SYMPK: variants seen among roughly 807,000 people sequenced by gnomAD.
SYMPK encodes symplekin.
SYMPK carries 49 observed loss-of-function variants against 136.4 expected under a neutral mutation model. The ratio of observed to expected loss-of-function variants is 0.36; its 90% CI spans 0.29 to 0.46. The LOEUF (loss-of-function observed/expected upper bound fraction) is 0.46, where lower values mean the gene tolerates loss of function less well. SYMPK is among the 20% of genes least tolerant of loss of function. The probability of loss-of-function intolerance (pLI) is 1.00; values close to 1 mark genes in which losing one functional copy is unlikely to be tolerated. For missense variants in SYMPK, 1,365 were observed against 1,690.0 expected (o/e 0.81, Z 3.37); for synonymous variants, 766 against 713.0 (o/e 1.07, Z -1.19).
intron 8 of SYMPK, 176 bp from the exon 9 acceptor site, chr19:45,842,665 G>C (rs1433536816): frequency 1.4e-5 from 11 of 770,448 alleles, no homozygotes; most frequent in Non-Finnish European, 2.2e-5. Context: ...TCAAACCCTG[G>C]GGGTCTCCAT....
At position 45,815,470 on chromosome 19, in the gene SYMPK, T is replaced by C; in HGVS notation, c.*90A>G. ...CTTGCCCAAGTTCACATCTTTTATT[T>C]CTTTTTAAGGCAAAGCACCCGCAGG... On this transcript the variant is annotated 3_prime_UTR_variant, in exon 27 of 27. Coordinates refer to ENST00000245934, the MANE Select transcript of SYMPK (RefSeq NM_004819.3). 8.3e-7 allele frequency: 1 copy of C among 1,208,380 alleles called. No homozygotes were observed. Among genetic ancestry groups the C allele is most frequent in the Non-Finnish European group, 1.1e-6 (1 of 894,068 alleles). The allele number at this position is 1,208,380 out of a possible 1,614,324, so 74.9% of individuals were successfully genotyped here.
At chr19:45,825,952 T>C (rs572901922) in intron 17 of SYMPK, among the ~76,000 whole-genome samples, 1 of 152,328 alleles carries the variant, frequency 6.6e-6, no homozygotes, top group African/African-American at 2.4e-5. Flanking sequence ...TCCAGGGCTC[T>C]GCTGAGGGAA....
chr19:45,850,498 C>G (rs1971673763), intron 5 of SYMPK, among the ~76,000 whole-genome samples: 1 of 152,174 alleles, frequency 6.6e-6, no homozygotes, highest in South Asian at 2.1e-4. Flanking sequence ...AACAAATGAG[C>G]AAGTGACCAG....
intron 1 of SYMPK, among the ~76,000 whole-genome samples, chr19:45,857,648 C>G (rs1321907310): frequency 6.6e-6 from 1 of 150,870 alleles, no homozygotes; most frequent in Non-Finnish European, 1.5e-5. Flanking sequence ...CCTGCCACCA[C>G]GCCCGGCTAA....
chr19:45,821,536 G>A lies in SYMPK; in HGVS notation c.2792-51C>T. On this transcript the variant is annotated intron_variant, in intron 21 of 26. Transcript: ENST00000245934. This position sits in a 1 kb window ranked among gnomAD's most constrained non-coding sequence, Gnocchi z 4.4. ...GGGAAGACAGTGCGGACGCATAAGT[G>A]AAGAGATGGGTCTGAGTTCCCCAGA... is the stretch of plus-strand genomic sequence containing the variant. 1 of 1,274,528 alleles carries A rather than the reference G, an allele frequency of 7.8e-7. No homozygotes were observed. The highest frequency in any genetic ancestry group is 1.1e-6 in the Non-Finnish European group (1 of 881,252). 79.0% of individuals were successfully genotyped at this position (1,274,528 alleles called of 1,614,324 possible).
intron 9 of SYMPK, among the ~76,000 whole-genome samples, 174 bp downstream of exon 9, chr19:45,842,076 T>C (rs1382608660): frequency 6.6e-6 from 1 of 152,148 alleles, no homozygotes; most frequent in Non-Finnish European, 1.5e-5. Context: ...CCTCAAGTGA[T>C]CTGCCCGCCT....
intron 7 of SYMPK, among the ~76,000 whole-genome samples, chr19:45,847,146 C>T (rs190227110): frequency 1.7e-3 from 258 of 151,840 alleles, no homozygotes; most frequent in African/African-American, 5.7e-3. Flanking sequence ...CTGCCCGGCG[C>T]GGTGGCTCAA....
chr19:45,847,399 G>A (rs1420518146), intron 7 of SYMPK, among the ~76,000 whole-genome samples: 1 of 151,174 alleles, frequency 6.6e-6, no homozygotes, highest in Non-Finnish European at 1.5e-5. Flanking sequence ...ACTCCAGCCT[G>A]GGCGACAGAG....
At chr19:45,852,588 C>A in intron 3 of SYMPK, 53 bp from the exon 4 acceptor site, 1 of 1,600,092 alleles carries the variant, frequency 6.2e-7, no homozygotes, top group South Asian at 1.1e-5. Flanking sequence ...AACGAGGGGC[C>A]AATCAATGCA....
Position 45,816,191 on chromosome 19 carries a change from TAGGG to T in SYMPK, c.3355-12_3355-9del. 6.6e-7 allele frequency: 1 copy of T among 1,509,928 alleles called. No homozygotes were observed. Among genetic ancestry groups the T allele is most frequent in the East Asian group, 2.4e-5 (1 of 41,914 alleles). 93.5% of individuals were successfully genotyped at this position (1,509,928 alleles called of 1,614,324 possible). A position where few individuals can be genotyped will look rare whatever the true frequency, so the allele number is the denominator to read the frequency against. Reference sequence around the variant, plus strand: ...CAGGGGCTCCAGATCATCCTGGGGATAGGGAGGGCCACACAGAAGCTCAGAGGTG... The same window carrying T: ...CAGGGGCTCCAGATCATCCTGGGGATAGGGCCACACAGAAGCTCAGAGGTG... On this transcript the variant is annotated splice_polypyrimidine_tract_variant and intron_variant, in intron 25 of 26. Coordinates refer to ENST00000245934, the MANE Select transcript of SYMPK (RefSeq NM_004819.3).
chr19:45,857,440 ACT>A (rs1277075930), intron 1 of SYMPK, among the ~76,000 whole-genome samples: 2 of 147,304 alleles, frequency 1.4e-5, no homozygotes, highest in East Asian at 2.0e-4. Flanking sequence ...AAAAACACAC[ACT>A]AAACAAACAA....
At chr19:45,822,673 G>A (rs892342001) in intron 21 of SYMPK, 83 bp downstream of exon 21, 5 of 1,176,776 alleles carry the variant, frequency 4.2e-6, no homozygotes, top group African/African-American at 1.5e-5. Context: ...CTCTCTCCCT[G>A]AGGGGGGTGC....
At chr19:45,861,740 A>G (rs1255892136) in intron 1 of SYMPK, among the ~76,000 whole-genome samples, 1 of 150,936 alleles carries the variant, frequency 6.6e-6, no homozygotes, top group Non-Finnish European at 1.5e-5. Context: ...CTGTCTCAAA[A>G]AAAAAAAAAA....
chr19:45,862,332 C>T (rs888361828), intron 1 of SYMPK, among the ~76,000 whole-genome samples: 3 of 152,178 alleles, frequency 2.0e-5, no homozygotes, highest in Admixed American at 2.0e-4. Context: ...GGTACCCTGC[C>T]CCACTGCTAC....
At chr19:45,845,351 C>T (rs1346077009) in intron 7 of SYMPK, among the ~76,000 whole-genome samples, 3 of 152,106 alleles carry the variant, frequency 2.0e-5, no homozygotes, top group Admixed American at 1.3e-4. Flanking sequence ...TCCCCAACCG[C>T]CCATTACCCT....
chr19:45,835,358 C>A (rs758172719), intron 10 of SYMPK, 130 bp from the exon 11 acceptor site: 27 of 819,616 alleles, frequency 3.3e-5, no homozygotes, highest in Non-Finnish European at 4.7e-5. Context: ...TGGGGCCCAG[C>A]CTCTTCTGGA....
chr19:45,834,260 C>G (rs1156471765), intron 11 of SYMPK, among the ~76,000 whole-genome samples: 1 of 151,974 alleles, frequency 6.6e-6, no homozygotes, highest in Non-Finnish European at 1.5e-5. Context: ...TGCACTCCAA[C>G]CTGGGTGACA....
At chr19:45,862,717 A>C (rs1972000945) in intron 1 of SYMPK, among the ~76,000 whole-genome samples, 1 of 152,256 alleles carries the variant, frequency 6.6e-6, no homozygotes, top group Admixed American at 6.5e-5. Flanking sequence ...AGGATGTTGC[A>C]GGCAGAAGGG....
At position 45,852,297 on chromosome 19, in the gene SYMPK, T is replaced by C; in HGVS notation, c.299+15A>G. 1 of 1,614,154 alleles carries C rather than the reference T, an allele frequency of 6.2e-7. No individual in the cohort carries two copies. The highest frequency in any genetic ancestry group is 1.1e-5 in the South Asian group (1 of 91,082). On this transcript the variant is annotated intron_variant, in intron 5 of 26. Coordinates refer to ENST00000245934, the MANE Select transcript of SYMPK (RefSeq NM_004819.3). ...CAGTGAGAATGCTCCCGGGGCTCCG[T>C]GCCTCGCCCCATACCATGCCTCCTC...
Sources: allele counts gnomAD v4.1 joint callset (sites outside exome capture counted in the v4.1 genomes callset), GRCh38; gene constraint gnomAD v4.1.1; non-coding constraint Gnocchi (gnomAD v3.1); transcripts MANE v1.5; gene names NCBI Gene and HGNC (gene_info 2026-07-23, HGNC 2026-07-21).